Variants in KSR2 observed in about 807,000 individuals in gnomAD.
The protein encoded by KSR2 is kinase suppressor of ras 2.
KSR2 carries 25 observed loss-of-function variants against 107.8 expected under a neutral mutation model. That is an observed-to-expected ratio of 0.23 (90% CI 0.17 to 0.32). The LOEUF (loss-of-function observed/expected upper bound fraction) is 0.32, where lower values mean the gene tolerates loss of function less well. KSR2 is among the 10% of genes least tolerant of loss of function. The probability of loss-of-function intolerance (pLI) is 1.00; values close to 1 mark genes in which losing one functional copy is unlikely to be tolerated. For missense variants in KSR2, 887 were observed against 1,268.9 expected, an observed-to-expected ratio of 0.70 and a Z score of 4.57; for synonymous variants, 480 against 507.0, an observed-to-expected ratio of 0.95 and a Z score of 0.71.
chr12:117,555,373 C>T, intron 8 of KSR2, 80 bp from the exon 9 acceptor site: 1 of 1,487,022 alleles, frequency 6.7e-7, no homozygotes, highest in Non-Finnish European at 9.2e-7. Context: ...AGCTCAGATC[C>T]CACCTCTTAG....
intron 14 of KSR2, among the ~76,000 whole-genome samples, chr12:117,511,809 A>G (rs771822985): frequency 9.2e-5 from 14 of 152,200 alleles, no homozygotes; most frequent in Non-Finnish European, 2.1e-4. Context: ...ATCAGTTTGG[A>G]AAACAATACT....
intron 12 of KSR2, among the ~76,000 whole-genome samples, chr12:117,528,161 G>A (rs762499657): frequency 6.6e-6 from 1 of 152,148 alleles, no homozygotes; most frequent in Non-Finnish European, 1.5e-5. Flanking sequence ...TGTACACACA[G>A]GATGTTGAGG....
chr12:117,595,630 T>C (rs1332565246), intron 5 of KSR2, among the ~76,000 whole-genome samples: 1 of 152,240 alleles, frequency 6.6e-6, no homozygotes, highest in Non-Finnish European at 1.5e-5. Context: ...CCCAAAGTGC[T>C]GGGATTACAG....
chr12:117,967,437 C>T, intron 1 of KSR2, among the ~76,000 whole-genome samples: 1 of 152,216 alleles, frequency 6.6e-6, no homozygotes, highest in African/African-American at 2.4e-5. Flanking sequence ...CCTGCAACAG[C>T]TCACTGCATC....
Position 117,817,685 on chromosome 12 carries a change from A to T in KSR2, c.472+37743T>A, listed in dbSNP as rs138274031. 3.6e-3 allele frequency among the ~76,000 whole-genome samples: 547 copies of T among 152,338 alleles called. 5 individuals carry two copies. Among genetic ancestry groups the T allele is most frequent in the African/African-American group, 0.013 (522 of 41,574 alleles). On this transcript the variant is annotated intron_variant, in intron 3 of 19. Coordinates refer to ENST00000339824, the MANE Select transcript of KSR2 (RefSeq NM_173598.6). Reference sequence around the variant, plus strand: ...CCTGTCCCCATATTTGTGTGCCAACATTGATTAAAAACATGCTATACACAA... The same window carrying T: ...CCTGTCCCCATATTTGTGTGCCAACTTTGATTAAAAACATGCTATACACAA...
At chr12:117,609,673 G>A (rs916396231) in intron 5 of KSR2, among the ~76,000 whole-genome samples, 1 of 152,186 alleles carries the variant, frequency 6.6e-6, no homozygotes, top group South Asian at 2.1e-4. Context: ...TTGAGTAGTC[G>A]TGACAGAGGC....
At chr12:117,498,792 G>A (rs1023042040) in intron 14 of KSR2, among the ~76,000 whole-genome samples, 2 of 152,242 alleles carry the variant, frequency 1.3e-5, no homozygotes, top group East Asian at 1.9e-4. Flanking sequence ...GTTTCCCTGC[G>A]CAAGTTTTCT....
chr12:117,523,966 C>A (rs1173274468), intron 14 of KSR2, among the ~76,000 whole-genome samples: 1 of 152,150 alleles, frequency 6.6e-6, no homozygotes, highest in Non-Finnish European at 1.5e-5. Context: ...GAGTGAAACT[C>A]TGTCTCAAAA....
intron 5 of KSR2, among the ~76,000 whole-genome samples, chr12:117,613,948 G>A (rs1284515381): frequency 6.6e-6 from 1 of 152,120 alleles, no homozygotes. Flanking sequence ...GTATTCTGAG[G>A]CAAGCTCAAG....
rs1026081715 is a variant in KSR2, at chr12:117,453,960, G to C, written c.*13239C>G. 2.0e-5 allele frequency: 3 copies of C among 152,132 alleles called. No homozygotes were observed. Among genetic ancestry groups the C allele is most frequent in the Admixed American group, 6.5e-5 (1 of 15,272 alleles). The allele number at this position is 152,132 out of a possible 1,614,324, so 9.4% of individuals were successfully genotyped here. On this transcript the variant is annotated 3_prime_UTR_variant, in exon 20 of 20. Coordinates refer to ENST00000339824, the MANE Select transcript of KSR2 (RefSeq NM_173598.6). ...TAAGAGACCTCTGCCTTGTAGACGG[G>C]GGGAGGGGGTGTCCTTATGACACTT...
At chr12:117,890,600 A>G (rs1482543794) in intron 1 of KSR2, 1 of 152,260 alleles carries the variant, frequency 6.6e-6, no homozygotes, top group African/African-American at 2.4e-5. Flanking sequence ...TAGAAGAACC[A>G]TATTTGTCCA....
rs576774743 is a variant in KSR2 at position 117,622,398 on chromosome 12, A to G, written c.1172-40039T>C. ...ATCTGCAAAGCAAAAGAAAGAGTCT[A>G]TCTCAGAGAACCTCTTTGATAAGAC... On this transcript the variant is annotated intron_variant, in intron 5 of 19. Coordinates refer to ENST00000339824, the MANE Select transcript of KSR2 (RefSeq NM_173598.6). Among the ~76,000 whole-genome samples, 45 of 152,304 alleles carry G rather than the reference A, an allele frequency of 3.0e-4. No homozygotes were observed. The South Asian group carries it at 9.1e-3, about 31-fold the overall frequency.
At chr12:117,759,375 A>G (rs10744902) in intron 4 of KSR2, among the ~76,000 whole-genome samples, 52,044 of 152,078 alleles carry the variant, frequency 0.34, 9,410 homozygotes, top group East Asian at 0.47. Context: ...TGCAACAGAG[A>G]CTGAATGGTC....
At chr12:117,826,492 G>GA (rs11447833) in intron 3 of KSR2, among the ~76,000 whole-genome samples, 59,291 of 151,028 alleles carry the variant, frequency 0.39, 11,934 homozygotes, top group Middle Eastern at 0.47. Flanking sequence ...AGACTAAGGG[G>GA]AAAAAACACA....
intron 5 of KSR2, among the ~76,000 whole-genome samples, chr12:117,607,293 G>A (rs956854754): frequency 6.6e-6 from 1 of 152,222 alleles, no homozygotes; most frequent in African/African-American, 2.4e-5. Flanking sequence ...GAACTTAGAT[G>A]CATTCAAAGT....
intron 5 of KSR2, among the ~76,000 whole-genome samples, chr12:117,651,532 G>A (rs1275590580): frequency 1.3e-5 from 2 of 152,194 alleles, no homozygotes; most frequent in Admixed American, 6.5e-5. Flanking sequence ...ATTGATTTGG[G>A]CCCACTAAGT....
chr12:117,856,662 A>C (rs1893111986), intron 2 of KSR2, among the ~76,000 whole-genome samples: 2 of 152,024 alleles, frequency 1.3e-5, no homozygotes, highest in South Asian at 4.2e-4. Flanking sequence ...TTTTTAGTAG[A>C]GACAGGGTTT....
At chr12:117,560,845 T>C (rs1194321545) in intron 7 of KSR2, among the ~76,000 whole-genome samples, 1 of 152,172 alleles carries the variant, frequency 6.6e-6, no homozygotes, top group Non-Finnish European at 1.5e-5. Context: ...CTATCTCTCT[T>C]GCTCCCTCTC....
At chr12:117,545,038 T>C (rs187251629) in intron 9 of KSR2, among the ~76,000 whole-genome samples, 2 of 152,296 alleles carry the variant, frequency 1.3e-5, no homozygotes, top group East Asian at 1.9e-4. Flanking sequence ...TCACGAATGG[T>C]TTTTGGATTT....
Sources: gnomAD v4.1 joint callset for allele counts (sites outside exome capture counted in the v4.1 genomes callset) on GRCh38, gnomAD v4.1.1 for gene constraint, MANE v1.5 for transcripts, NCBI Gene and HGNC (gene_info 2026-07-23, HGNC 2026-07-21) for gene names.